Variants in SGK1 observed in about 807,000 individuals in gnomAD.
SGK1 encodes serum/glucocorticoid regulated kinase 1, also known as serine/threonine-protein kinase Sgk1.
In SGK1, 26 loss-of-function variants were observed where a neutral mutation model predicts 64.2. The observed-to-expected ratio is 0.40, with a 90% CI of 0.30 to 0.56. The LOEUF is 0.56. Ranked by LOEUF, SGK1 falls within the 20% of genes least tolerant of loss-of-function variation. The pLI, the probability that SGK1 is intolerant of heterozygous loss-of-function variation, is 0.38. For missense variants in SGK1, 519 were observed against 645.6 expected (o/e 0.80, Z 2.12); for synonymous variants, 265 against 239.7 (o/e 1.11, Z -0.98).
intron 2 of SGK1, among the ~76,000 whole-genome samples, chr6:134,225,729 T>C (rs1776164859): frequency 6.6e-6 from 1 of 151,974 alleles, no homozygotes; most frequent in Non-Finnish European, 1.5e-5. Flanking sequence ...GCCTTTAAAA[T>C]CTTATCCAGT....
intron 2 of SGK1, among the ~76,000 whole-genome samples, chr6:134,225,575 T>A (rs543724644): frequency 7.4e-4 from 112 of 152,048 alleles, no homozygotes; most frequent in Non-Finnish European, 1.4e-3. Flanking sequence ...AAGTTCAGAA[T>A]AATAATTACT....
intron 2 of SGK1, among the ~76,000 whole-genome samples, chr6:134,252,364 GCACAGA>G (rs1776617967): frequency 6.6e-6 from 1 of 152,142 alleles, no homozygotes; most frequent in African/African-American, 2.4e-5. Flanking sequence ...TGTGCGCGTT[GCACAGA>G]CAGTAAGCCA....
At chr6:134,292,862 C>A (rs190195242) in intron 1 of SGK1, among the ~76,000 whole-genome samples, 51 of 152,300 alleles carry the variant, frequency 3.3e-4, no homozygotes, top group African/African-American at 1.2e-3. Flanking sequence ...GTTGGAAGTA[C>A]TACTGATACA....
chr6:134,234,589 A>G (rs533344503), intron 2 of SGK1, among the ~76,000 whole-genome samples: 6 of 152,190 alleles, frequency 3.9e-5, no homozygotes, highest in Non-Finnish European at 8.8e-5. Context: ...TTAAAGACTA[A>G]TTGGAGGGCC....
At position 134,172,712 on chromosome 6, in the gene SGK1, A is replaced by C. The variant is rs747766096; in HGVS notation, c.897T>G (p.Ala299=). ...FLEPRARFYA[A]EIASALGYLH... ...GGTAGCCCAAGGCACTGGCTATTTC[A>C]GCAGCATAGAAACGAGCCCGTGGTT... Residue 299 remains alanine, a synonymous_variant, in exon 9 of 14, where the codon GCT becomes GCG. Coordinates refer to ENST00000367858, the MANE Select transcript of SGK1 (RefSeq NM_001143676.3). 6.2e-7 allele frequency: 1 copy of C among 1,614,202 alleles called. No homozygotes were observed. Among genetic ancestry groups the C allele is most frequent in the East Asian group, 2.2e-5 (1 of 44,894 alleles).
At chr6:134,187,094 G>A (rs1232569758) in intron 3 of SGK1, among the ~76,000 whole-genome samples, 1 of 152,088 alleles carries the variant, frequency 6.6e-6, no homozygotes, top group Non-Finnish European at 1.5e-5. Context: ...GGGATTTCAG[G>A]TGTGAGCCAC....
intron 3 of SGK1, among the ~76,000 whole-genome samples, chr6:134,199,930 T>A (rs1775655673): frequency 6.6e-6 from 1 of 152,198 alleles, no homozygotes; most frequent in African/African-American, 2.4e-5. Flanking sequence ...CAAATCAATC[T>A]TGTTGTTTAA....
At chr6:134,252,738 T>C (rs944412771) in intron 2 of SGK1, among the ~76,000 whole-genome samples, 1 of 151,732 alleles carries the variant, frequency 6.6e-6, no homozygotes, top group Admixed American at 6.6e-5. Context: ...TTCTCAAGGA[T>C]AACATGGTTG....
chr6:134,246,125 T>C (rs183369882), intron 2 of SGK1, among the ~76,000 whole-genome samples: 32 of 152,160 alleles, frequency 2.1e-4, no homozygotes, highest in Admixed American at 1.3e-3. Context: ...ATGATCTTCA[T>C]GGTTGAGGCT....
chr6:134,290,526 T>C (rs1418148991), intron 1 of SGK1, among the ~76,000 whole-genome samples: 2 of 151,668 alleles, frequency 1.3e-5, no homozygotes, highest in Non-Finnish European at 2.9e-5. Flanking sequence ...TTGAAATTAA[T>C]GTTCCAAATA....
chr6:134,206,337 TGATA>T (rs1483304517), intron 3 of SGK1, among the ~76,000 whole-genome samples: 11 of 111,450 alleles, frequency 9.9e-5, no homozygotes, highest in East Asian at 3.9e-4. Context: ...CTGTACCTGA[TGATA>T]TATATATATA....
chr6:134,300,867 C>T (rs561557579), intron 1 of SGK1, among the ~76,000 whole-genome samples: 2 of 151,906 alleles, frequency 1.3e-5, no homozygotes, highest in Non-Finnish European at 2.9e-5. Context: ...CTCCTGACCT[C>T]GGGTGATCTA....
chr6:134,225,902 A>G (rs540060731), intron 2 of SGK1, among the ~76,000 whole-genome samples: 3 of 151,710 alleles, frequency 2.0e-5, no homozygotes, highest in African/African-American at 7.3e-5. Flanking sequence ...GCAAAACTCC[A>G]TCTCTACCAA....
intron 3 of SGK1, among the ~76,000 whole-genome samples, chr6:134,203,369 T>C (rs1775718418): frequency 6.6e-6 from 1 of 152,132 alleles, no homozygotes; most frequent in African/African-American, 2.4e-5. Context: ...CCTATTCAAA[T>C]AATCCTAGAG....
At chr6:134,246,574 T>C (rs1180903979) in intron 2 of SGK1, among the ~76,000 whole-genome samples, 2 of 152,240 alleles carry the variant, frequency 1.3e-5, no homozygotes, top group Middle Eastern at 3.4e-3. Context: ...GCAACCCTGT[T>C]AAGTTTGTAT....
intron 1 of SGK1, among the ~76,000 whole-genome samples, chr6:134,264,236 C>A (rs537731556): frequency 1.3e-5 from 2 of 151,958 alleles, no homozygotes; most frequent in Non-Finnish European, 2.9e-5. Context: ...TCTCCTGCCT[C>A]AGCCTCCCGA....
chr6:134,190,288 T>A (rs1282984471), intron 3 of SGK1, among the ~76,000 whole-genome samples: 1 of 100,786 alleles, frequency 9.9e-6, no homozygotes, highest in Admixed American at 1.1e-4. Context: ...CCTTCCTTCC[T>A]TTTTTTTTTT....
In SGK1 at chr6:134,174,549, A is replaced by G. The variant is rs144924996; in HGVS notation, c.399T>C (p.Phe133=). Residue 133 remains phenylalanine (F), a synonymous_variant, in exon 4 of 14, where the codon TTT becomes TTC. Transcript: ENST00000367858. ...MKQRRMGLND[F]IQKIANNSYA... Reference sequence around the variant, plus strand: ...AGGAGTTATTGGCAATCTTCTGAATAAAGTCGTTCAGACCCATCCTCCTCT... The same window carrying G: ...AGGAGTTATTGGCAATCTTCTGAATGAAGTCGTTCAGACCCATCCTCCTCT... The G allele has an allele frequency of 2.9e-4, 476 of 1,613,966 alleles. 1 individual carries two copies. The African/African-American group carries it at 5.7e-3, about 19-fold the overall frequency.
intron 11 of SGK1, 56 bp from the exon 12 acceptor site, chr6:134,171,234 T>A: frequency 6.7e-7 from 1 of 1,493,114 alleles, no homozygotes; most frequent in African/African-American, 1.4e-5. Context: ...ATGGCACACA[T>A]TACCAGTAGA....
Sources: allele counts gnomAD v4.1 joint callset (sites outside exome capture counted in the v4.1 genomes callset), GRCh38; gene constraint gnomAD v4.1.1; transcripts MANE v1.5; gene names NCBI Gene and HGNC (gene_info 2026-07-23, HGNC 2026-07-21).